Variants in ABI2 observed in about 807,000 individuals in gnomAD.
The protein encoded by ABI2 is abl interactor 2.
A neutral mutation model predicts 59.2 loss-of-function variants in ABI2; 25 were observed. The ratio of observed to expected loss-of-function variants is 0.42; its 90% CI spans 0.31 to 0.59. ABI2 has a LOEUF of 0.59. ABI2 is among the 20% of genes least tolerant of loss of function. The pLI is 0.14. For synonymous variants in ABI2, 213 were observed against 235.5 expected (o/e 0.90, Z 0.87); for missense variants, 545 against 681.8 (o/e 0.80, Z 2.23).
chr2:203,420,825 C>G (rs1026720554), intron 11 of ABI2, among the ~76,000 whole-genome samples: 3 of 151,966 alleles, frequency 2.0e-5, no homozygotes, highest in African/African-American at 7.3e-5. Flanking sequence ...GAGAACATGG[C>G]GTTCTTGGTG....
chr2:203,367,082 C>A lies in ABI2; in HGVS notation c.285+38C>A, dbSNP rs778815155. 69 of 1,575,906 alleles carry A rather than the reference C, an allele frequency of 4.4e-5. 2 individuals are homozygous for A. The East Asian group carries it at 1.5e-3, about 35-fold the overall frequency. ...TATTTTCCTATTTGCCTATGAGGAACCCTTAATAATAAACACAGGCTATCT... is the reference window on the plus strand; with the variant it reads ...TATTTTCCTATTTGCCTATGAGGAAACCTTAATAATAAACACAGGCTATCT... On this transcript the variant is annotated intron_variant, in intron 2 of 11. Coordinates refer to ENST00000261018, the MANE Select transcript of ABI2 (RefSeq NM_001375670.1).
At chr2:203,392,278 C>CCAT (rs2096773507) in intron 5 of ABI2, among the ~76,000 whole-genome samples, 1 of 90,578 alleles carries the variant, frequency 1.1e-5, no homozygotes, top group Non-Finnish European at 2.3e-5. Flanking sequence ...ACCACCATCA[C>CCAT]CACCACCACC....
At chr2:203,423,177 A>G (rs1437130441) in intron 11 of ABI2, among the ~76,000 whole-genome samples, 4 of 151,980 alleles carry the variant, frequency 2.6e-5, no homozygotes, top group Non-Finnish European at 5.9e-5. Context: ...TTACATTGTT[A>G]TTTTAGTATC....
At chr2:203,365,722 C>T (rs982210831) in intron 1 of ABI2, among the ~76,000 whole-genome samples, 7 of 150,224 alleles carry the variant, frequency 4.7e-5, no homozygotes, top group African/African-American at 1.7e-4. Context: ...CTCTGCCTCC[C>T]GGGTTCACAC....
intron 1 of ABI2, among the ~76,000 whole-genome samples, chr2:203,345,912 GCT>G (rs1167506706): frequency 6.6e-6 from 1 of 151,650 alleles, no homozygotes; most frequent in Non-Finnish European, 1.5e-5. Context: ...GGGCACGGTG[GCT>G]CACGCCTGTA....
Position 203,416,942 on chromosome 2 carries a change from A to G in ABI2, c.1314A>G (p.Glu438=), listed in dbSNP as rs781185664. 3 of 1,613,564 alleles carry G rather than the reference A, an allele frequency of 1.9e-6. No homozygotes were observed. In the Admixed American group the frequency reaches 5.0e-5, roughly 27 times the overall value. The change falls in exon 11 of 12, where the codon GAA becomes GAG. Residue 438 remains glutamate, a synonymous_variant. Transcript: ENST00000261018. ...CACCACCTCCACCGCCACCTGTGGA[A>G]GAACCAGTCTTTGATGAGTCTCCCC... ...SDTPPPPPPV[E]EPVFDESPPP... is the part of the protein sequence containing the mutation.
chr2:203,376,017 TG>T, intron 2 of ABI2: 4 of 1,379,630 alleles, frequency 2.9e-6, no homozygotes, highest in Non-Finnish European at 4.0e-6. Context: ...TTATTATAGA[TG>T]TTTTTTAAAA....
At chr2:203,364,435 C>T (rs967260039) in intron 1 of ABI2, among the ~76,000 whole-genome samples, 1 of 152,162 alleles carries the variant, frequency 6.6e-6, no homozygotes, top group African/African-American at 2.4e-5. Flanking sequence ...GAACCCGGGT[C>T]TCCTGTGTGA....
chr2:203,365,416 A>G (rs540165937), intron 1 of ABI2, among the ~76,000 whole-genome samples: 45 of 152,312 alleles, frequency 3.0e-4, no homozygotes, highest in African/African-American at 1.0e-3. Flanking sequence ...GTTCATGAAC[A>G]TGAATATTCT....
chr2:203,371,493 T>A (rs914107946), intron 2 of ABI2, among the ~76,000 whole-genome samples: 7 of 152,226 alleles, frequency 4.6e-5, no homozygotes, highest in Admixed American at 4.6e-4. Context: ...ATTCATCATA[T>A]CTATAAGGCA....
chr2:203,366,815 G>T, intron 1 of ABI2, 62 bp from the exon 2 acceptor site: 1 of 1,450,674 alleles, frequency 6.9e-7, no homozygotes, highest in Non-Finnish European at 9.2e-7. Flanking sequence ...TTTTTGGTAG[G>T]TTAGTTTGCT....
intron 2 of ABI2, among the ~76,000 whole-genome samples, chr2:203,369,096 A>T (rs1483333768): frequency 7.3e-6 from 1 of 137,880 alleles, no homozygotes; most frequent in African/African-American, 2.7e-5. Flanking sequence ...TAGTCTCCCA[A>T]GGTGTTGGGA....
intron 1 of ABI2, among the ~76,000 whole-genome samples, chr2:203,350,147 G>A (rs1394133551): frequency 6.6e-6 from 1 of 152,142 alleles, no homozygotes; most frequent in Non-Finnish European, 1.5e-5. Flanking sequence ...TGCTATCTTG[G>A]CTCACTGTAA....
rs775797737 is a variant in ABI2 at position 203,380,322 on chromosome 2, G to C, written c.400G>C (p.Val134Leu). Residue 134 changes from valine (V) to leucine (L), a missense_variant, in exon 3 of 12, where the codon GTT becomes CTT. By Grantham distance (32) the Val-to-Leu change is conservative. Transcript: ENST00000261018. ...TGCTCCAGCCAACCTTGAACGACCA[G>C]TTCGTTATATTAGAAAACCTATTGA... ...IIAPANLERP[V>L]RYIRKPIDYT... 1 of 1,603,730 alleles carries C rather than the reference G, an allele frequency of 6.2e-7. No homozygotes were observed. The highest frequency in any genetic ancestry group is 1.3e-5 in the African/African-American group (1 of 74,330).
intron 1 of ABI2, among the ~76,000 whole-genome samples, chr2:203,331,265 CCAG>C (rs1242100470): frequency 6.7e-6 from 1 of 149,028 alleles, no homozygotes; most frequent in Non-Finnish European, 1.5e-5. Context: ...ATTTGGTTGA[CCAG>C]CAGGGGTTTT....
chr2:203,334,160 C>G (rs559404801), intron 1 of ABI2, among the ~76,000 whole-genome samples: 1 of 152,102 alleles, frequency 6.6e-6, no homozygotes, highest in South Asian at 2.1e-4. Context: ...AGGCTGGTCT[C>G]GAATTCCTGA....
chr2:203,396,868 T>A lies in ABI2; in HGVS notation c.934T>A (p.Ser312Thr). ...PAPLVPATVP[S>T]STAPDAAAGG... ...TCCTCTTGTTCCTGCTACTGTCCCT[T>A]CCTCCACTGCCCCAGACGCTGCTGC... The change falls in exon 8 of 12, where the codon TCC (serine) becomes ACC (threonine). Residue 312 changes from serine (S) to threonine (T), a missense_variant. Ser to Thr is a moderately conservative substitution (Grantham distance 58, BLOSUM62 1). This residue lies in a region of ABI2 where 410 missense variants were observed against 435.6 expected (regional missense o/e 0.94). Coordinates refer to ENST00000261018, the MANE Select transcript of ABI2 (RefSeq NM_001375670.1). 6.5e-7 allele frequency: 1 copy of A among 1,534,968 alleles called. No individual in the cohort carries two copies. Among genetic ancestry groups the A allele is most frequent in the South Asian group, 1.2e-5 (1 of 83,824 alleles).
At chr2:203,410,746 A>G (rs2153505704) in intron 9 of ABI2, among the ~76,000 whole-genome samples, 1 of 152,314 alleles carries the variant, frequency 6.6e-6, no homozygotes, top group African/African-American at 2.4e-5. Context: ...TAATTAATGA[A>G]TGAAGAACCA....
intron 2 of ABI2, among the ~76,000 whole-genome samples, chr2:203,377,896 A>C (rs370240381): frequency 2.6e-5 from 4 of 152,174 alleles, no homozygotes; most frequent in Non-Finnish European, 5.9e-5. Flanking sequence ...ACAGAGTGAG[A>C]TACTGTCTCA....
Sources: gnomAD v4.1 joint callset for allele counts (sites outside exome capture counted in the v4.1 genomes callset) on GRCh38, gnomAD v4.1.1 for gene constraint, gnomAD v4.1.1 regional missense constraint, MANE v1.5 for transcripts, NCBI Gene and HGNC (gene_info 2026-07-23, HGNC 2026-07-21) for gene names.